Variants in NTM observed in about 807,000 individuals in gnomAD.
The protein encoded by NTM is neurotrimin, also known as IgLON family member 2.
In NTM, 13 loss-of-function variants were observed where a neutral mutation model predicts 42.1. That is an observed-to-expected ratio of 0.31 (90% CI 0.20 to 0.49). The LOEUF (loss-of-function observed/expected upper bound fraction) is 0.49, where lower values mean the gene tolerates loss of function less well. NTM is among the 20% of genes least tolerant of loss of function. NTM has a pLI of 0.99. For missense variants in NTM, 373 were observed against 452.8 expected (o/e 0.82, Z 1.60); for synonymous variants, 187 against 179.2 (o/e 1.04, Z -0.35).
chr11:132,002,476 G>A lies in NTM; in HGVS notation c.167+90828G>A, dbSNP rs530545922. Among the ~76,000 whole-genome samples the A allele has an allele frequency of 6.6e-5, 10 of 152,240 alleles. No homozygotes were observed. The highest frequency in any genetic ancestry group is 1.9e-4 in the African/African-American group (8 of 41,552). On this transcript the variant is annotated intron_variant, in intron 2 of 8. Transcript: ENST00000683400. The surrounding 1 kb of genome is among the most constrained non-coding windows in gnomAD (Gnocchi z 4.5). ...GTCAGTGATCAACAATTAACCCTAC[G>A]TCTCAATTCATCATAAGCAAATACA...
intron 2 of NTM, among the ~76,000 whole-genome samples, chr11:132,038,855 G>A (rs917929498): frequency 3.9e-5 from 6 of 152,260 alleles, no homozygotes; most frequent in Admixed American, 1.3e-4. Context: ...TGCACTCAGC[G>A]TCTCCCTCTC....
At chr11:131,776,397 G>T (rs1477200299) in intron 1 of NTM, among the ~76,000 whole-genome samples, 1 of 152,136 alleles carries the variant, frequency 6.6e-6, no homozygotes, top group African/African-American at 2.4e-5. Flanking sequence ...CTAGCATTCT[G>T]GCTCTTTCCT....
At chr11:132,210,962 A>T (rs1410638201) in intron 3 of NTM, among the ~76,000 whole-genome samples, 1 of 152,110 alleles carries the variant, frequency 6.6e-6, no homozygotes, top group East Asian at 1.9e-4. Context: ...TGGGGGAGAG[A>T]GAGAGAGAGA....
intron 3 of NTM, among the ~76,000 whole-genome samples, chr11:132,193,450 A>T (rs1471958624): frequency 4.6e-5 from 7 of 152,104 alleles, no homozygotes; most frequent in Non-Finnish European, 8.8e-5. Flanking sequence ...AAATAAAAAC[A>T]ATTTTCGAAA....
At chr11:131,383,782 T>A (rs777550343) in intron 1 of NTM, among the ~76,000 whole-genome samples, 10 of 152,140 alleles carry the variant, frequency 6.6e-5, no homozygotes, top group Non-Finnish European at 1.0e-4. Context: ...CCAAACAACA[T>A]GATTTGGGTT....
At chr11:131,760,748 G>C (rs983659351) in intron 1 of NTM, among the ~76,000 whole-genome samples, 1 of 152,210 alleles carries the variant, frequency 6.6e-6, no homozygotes. Context: ...GGCCTTTGAA[G>C]TGAGACGAGG....
At chr11:131,934,294 A>G (rs938934128) in intron 2 of NTM, among the ~76,000 whole-genome samples, 2 of 152,196 alleles carry the variant, frequency 1.3e-5, no homozygotes, top group Non-Finnish European at 2.9e-5. Flanking sequence ...TAATATATGG[A>G]GAATACAAAT....
intron 1 of NTM, among the ~76,000 whole-genome samples, chr11:131,909,525 C>T (rs2137890341): frequency 6.6e-6 from 1 of 152,302 alleles, no homozygotes; most frequent in Middle Eastern, 3.4e-3. Context: ...AACAAAGCCA[C>T]TGTTGCCTCC....
intron 1 of NTM, among the ~76,000 whole-genome samples, chr11:131,532,875 G>T (rs985661900): frequency 1.3e-5 from 2 of 151,860 alleles, no homozygotes; most frequent in Non-Finnish European, 2.9e-5. Flanking sequence ...ATCTTTTTTG[G>T]AGAAACGTCT....
intron 3 of NTM, among the ~76,000 whole-genome samples, chr11:132,185,984 G>A (rs183468534): frequency 5.3e-5 from 8 of 152,302 alleles, no homozygotes; most frequent in Admixed American, 3.3e-4. Context: ...CCTATTCATC[G>A]CTTTCCCACC....
At chr11:132,334,273 G>C (rs941591421) in intron 8 of NTM, among the ~76,000 whole-genome samples, 1 of 152,204 alleles carries the variant, frequency 6.6e-6, no homozygotes, top group Non-Finnish European at 1.5e-5. Context: ...CCTGCCTCCT[G>C]TGTTTGTCTC....
chr11:131,875,649 T>TG (rs1164721966), intron 1 of NTM, among the ~76,000 whole-genome samples: 1 of 152,228 alleles, frequency 6.6e-6, no homozygotes, highest in Non-Finnish European at 1.5e-5. Context: ...AAAAGGATCC[T>TG]TCAACAGTTT....
chr11:131,410,808 A>G (rs1303106843), intron 1 of NTM, among the ~76,000 whole-genome samples: 1 of 152,184 alleles, frequency 6.6e-6, no homozygotes, highest in Non-Finnish European at 1.5e-5. Context: ...TGGAACGCTA[A>G]ACATGTGGGA....
intron 1 of NTM, among the ~76,000 whole-genome samples, chr11:131,438,330 C>T (rs533827059): frequency 6.6e-6 from 1 of 152,112 alleles, no homozygotes; most frequent in South Asian, 2.1e-4. Context: ...GTTGGCCTGC[C>T]TTGCTAGGTT....
At chr11:132,012,690 T>C (rs1242685877) in intron 2 of NTM, among the ~76,000 whole-genome samples, 2 of 152,196 alleles carry the variant, frequency 1.3e-5, no homozygotes, top group Admixed American at 6.5e-5. Context: ...TAATGGCTCA[T>C]TAATTCATTT....
chr11:132,081,735 A>AG (rs2059086187), intron 2 of NTM, among the ~76,000 whole-genome samples: 1 of 151,676 alleles, frequency 6.6e-6, no homozygotes, highest in Admixed American at 6.6e-5. Context: ...AAAAAAAAAA[A>AG]AAAGATAGAA....
intron 4 of NTM, among the ~76,000 whole-genome samples, chr11:132,215,244 C>A (rs1276305304): frequency 1.3e-5 from 2 of 152,214 alleles, no homozygotes; most frequent in Non-Finnish European, 1.5e-5. Context: ...TACATGCGAA[C>A]CTGCCAAATC....
intron 3 of NTM, among the ~76,000 whole-genome samples, chr11:132,194,127 T>TTCTCATACAAACCCTGGC (rs143922854): frequency 6.6e-6 from 1 of 151,784 alleles, no homozygotes; most frequent in Non-Finnish European, 1.5e-5. Flanking sequence ...GCCAGCATTA[T>TTCTCATACAAACCCTGGC]AAAGACACAA....
intron 1 of NTM, among the ~76,000 whole-genome samples, chr11:131,483,600 A>G (rs537245668): frequency 3.1e-4 from 47 of 152,360 alleles, no homozygotes; most frequent in Middle Eastern, 3.4e-3. Context: ...GCTCTTCTCC[A>G]GCTCCCCTTG....
Sources: allele counts gnomAD v4.1 joint callset (sites outside exome capture counted in the v4.1 genomes callset), GRCh38; gene constraint gnomAD v4.1.1; non-coding constraint Gnocchi (gnomAD v3.1); transcripts MANE v1.5; gene names NCBI Gene and HGNC (gene_info 2026-07-23, HGNC 2026-07-21).